NLGN4X: variants seen among roughly 807,000 people sequenced by gnomAD.
The protein encoded by NLGN4X is neuroligin-4, X-linked.
In NLGN4X, 3 loss-of-function variants were observed where a neutral mutation model predicts 40.3. The observed-to-expected ratio is 0.07, with a 90% CI of 0.03 to 0.19. NLGN4X has a LOEUF of 0.19. Among genes scored for constraint, NLGN4X ranks in the 10% least tolerant of loss-of-function variants. The pLI is 1.00. For synonymous variants in NLGN4X, 270 were observed against 306.8 expected, an observed-to-expected ratio of 0.88 and a Z score of 1.25; for missense variants, 382 against 708.3, an observed-to-expected ratio of 0.54 and a Z score of 5.23.
chrX:5,940,497 C>T (rs2033886489), intron 3 of NLGN4X, among the ~76,000 whole-genome samples: 1 of 110,366 alleles, frequency 9.1e-6, no homozygotes, highest in East Asian at 2.9e-4. Flanking sequence ...GCTGATGAAC[C>T]CCAGCCTTGT....
intron 3 of NLGN4X, among the ~76,000 whole-genome samples, chrX:5,916,552 C>T (rs770425812): frequency 2.7e-5 from 3 of 111,300 alleles, no homozygotes; most frequent in East Asian, 2.8e-4. Flanking sequence ...TGGATTCAAG[C>T]GACTCTCCTG....
chrX:6,183,330 G>A (rs1328068494), intron 1 of NLGN4X, among the ~76,000 whole-genome samples: 1 of 111,323 alleles, frequency 9.0e-6, no homozygotes, highest in Non-Finnish European at 1.9e-5. Flanking sequence ...GGCAGATCAC[G>A]AGGTCAGGAG....
intron 2 of NLGN4X, among the ~76,000 whole-genome samples, chrX:6,134,268 T>C (rs1020627526): frequency 8.9e-6 from 1 of 112,107 alleles, no homozygotes; most frequent in South Asian, 3.7e-4. Context: ...ATTTGGTTTC[T>C]TTAACAAAAC....
intron 1 of NLGN4X, among the ~76,000 whole-genome samples, chrX:6,215,489 C>T (rs1041934872): frequency 9.5e-6 from 1 of 105,509 alleles, no homozygotes; most frequent in East Asian, 2.9e-4. Flanking sequence ...GCAGAGGTTG[C>T]GGTGAGCCGA....
At chrX:5,905,495 T>C (rs1569120746) in intron 4 of NLGN4X, among the ~76,000 whole-genome samples, 1 of 112,329 alleles carries the variant, frequency 8.9e-6, no homozygotes, top group Non-Finnish European at 1.9e-5. Flanking sequence ...TAAATTATTA[T>C]TGAGTAAATA....
chrX:5,993,065 A>G (rs1421606805), intron 3 of NLGN4X, among the ~76,000 whole-genome samples: 1 of 111,370 alleles, frequency 9.0e-6, no homozygotes, highest in Non-Finnish European at 1.9e-5. Context: ...GGGAGCACCA[A>G]TAAGTATCCC....
Position 5,999,586 on chromosome X carries a change from T to TA in NLGN4X, c.625+29693dup, listed in dbSNP as rs372801114. Among the ~76,000 whole-genome samples, 240 of 112,305 alleles carry TA rather than the reference T, an allele frequency of 2.1e-3. 1 individual carries two copies. Among genetic ancestry groups the TA allele is most frequent in the African/African-American group, 5.8e-3 (180 of 30,974 alleles). ...TCACAAACTAGAATCACTTACCTCT[T>TA]AAAAAAACTAAGGTTGAATGCATGA... On this transcript the variant is annotated intron_variant, in intron 3 of 5. Transcript: ENST00000381095.
chrX:5,976,425 G>C (rs1290274641), intron 3 of NLGN4X, among the ~76,000 whole-genome samples: 1 of 111,916 alleles, frequency 8.9e-6, no homozygotes, highest in Non-Finnish European at 1.9e-5. Context: ...CTCATTCTGT[G>C]AAAATATATG....
At chrX:6,041,369 T>C (rs1392038716) in intron 2 of NLGN4X, among the ~76,000 whole-genome samples, 1 of 112,154 alleles carries the variant, frequency 8.9e-6, no homozygotes, top group African/African-American at 3.2e-5. Flanking sequence ...GTTCCTTATG[T>C]AGCAAAAGCT....
intron 3 of NLGN4X, among the ~76,000 whole-genome samples, chrX:6,020,720 T>A (rs1022158777): frequency 1.8e-5 from 2 of 111,954 alleles, no homozygotes; most frequent in African/African-American, 6.5e-5. Flanking sequence ...ATATATTCAA[T>A]TTTTATTTGA....
chrX:6,193,498 A>AC (rs1463711039), intron 1 of NLGN4X, among the ~76,000 whole-genome samples: 1 of 110,552 alleles, frequency 9.0e-6, no homozygotes, highest in Non-Finnish European at 1.9e-5. Context: ...TATTTAAAAA[A>AC]AAAAAGAAAA....
chrX:6,214,688 C>T (rs139212035), intron 1 of NLGN4X, among the ~76,000 whole-genome samples: 2 of 110,992 alleles, frequency 1.8e-5, no homozygotes, highest in African/African-American at 6.6e-5. Flanking sequence ...TGAGCCCAGG[C>T]GTTCGAGACC....
At chrX:6,017,350 A>G (rs1486753599) in intron 3 of NLGN4X, among the ~76,000 whole-genome samples, 1 of 112,282 alleles carries the variant, frequency 8.9e-6, no homozygotes, top group Non-Finnish European at 1.9e-5. Flanking sequence ...AGAAATGCTA[A>G]GCATGTTTTA....
chrX:6,040,864 C>T (rs1188204566), intron 2 of NLGN4X, among the ~76,000 whole-genome samples: 1 of 111,191 alleles, frequency 9.0e-6, no homozygotes, highest in East Asian at 2.8e-4. Flanking sequence ...GTATGCAATC[C>T]AATGGTTTTT....
At chrX:6,124,819 T>G (rs1303727668) in intron 2 of NLGN4X, among the ~76,000 whole-genome samples, 1 of 112,414 alleles carries the variant, frequency 8.9e-6, no homozygotes. Context: ...TTTGTATTTG[T>G]GAATATGTCT....
At chrX:6,063,905 C>T (rs1261621716) in intron 2 of NLGN4X, among the ~76,000 whole-genome samples, 1 of 112,019 alleles carries the variant, frequency 8.9e-6, no homozygotes, top group East Asian at 2.8e-4. Context: ...ATACCTAACT[C>T]ACATGGTTTC....
intron 2 of NLGN4X, among the ~76,000 whole-genome samples, chrX:6,097,542 T>C (rs189816314): frequency 1.8e-5 from 2 of 111,549 alleles, no homozygotes; most frequent in East Asian, 5.7e-4. Context: ...CAGACACAAA[T>C]GTGCTGAACC....
chrX:6,222,852 C>T (rs1447169986), intron 1 of NLGN4X, among the ~76,000 whole-genome samples: 3 of 111,952 alleles, frequency 2.7e-5, no homozygotes, highest in Non-Finnish European at 5.6e-5. Context: ...GGGTTTCCCC[C>T]TTCACTCGGT....
At chrX:6,214,937 G>A (rs957681369) in intron 1 of NLGN4X, among the ~76,000 whole-genome samples, 3 of 111,401 alleles carry the variant, frequency 2.7e-5, no homozygotes, top group African/African-American at 6.5e-5. Context: ...GAATGGGAGC[G>A]GGGTTAGAAA....
Sources: allele counts gnomAD v4.1 joint callset (sites outside exome capture counted in the v4.1 genomes callset), GRCh38; gene constraint gnomAD v4.1.1; transcripts MANE v1.5; gene names NCBI Gene and HGNC (gene_info 2026-07-23, HGNC 2026-07-21).